The following UGT3A2 variants were observed in gnomAD, a reference collection of about 807,000 sequenced individuals.
UGT3A2 encodes the protein UDP-glycosyltransferase 3A2.
UGT3A2 carries 32 observed loss-of-function variants against 39.8 expected under a neutral mutation model. The observed-to-expected ratio is 0.80, with a 90% CI of 0.61 to 1.08. The LOEUF (loss-of-function observed/expected upper bound fraction) is 1.08, where lower values mean the gene tolerates loss of function less well. Ranked by LOEUF, UGT3A2 falls within the 50% of genes least tolerant of loss-of-function variation. The pLI is 0.00. For missense variants in UGT3A2, 611 were observed against 637.1 expected, an observed-to-expected ratio of 0.96 and a Z score of 0.44; for synonymous variants, 241 against 230.7, an observed-to-expected ratio of 1.04 and a Z score of -0.40.
chr5:36,052,506 C>T (rs1049801184), intron 2 of UGT3A2, among the ~76,000 whole-genome samples: 2 of 152,152 alleles, frequency 1.3e-5, no homozygotes, highest in African/African-American at 4.8e-5. Context: ...AAATGTCAAG[C>T]CCCATTTCCC....
chr5:36,035,919 G>A lies in UGT3A2; in HGVS notation c.1351C>T (p.Pro451Ser). 3 of 1,614,192 alleles carry A rather than the reference G, an allele frequency of 1.9e-6. No individual in the cohort carries two copies. Among genetic ancestry groups the A allele is most frequent in the Non-Finnish European group, 2.5e-6 (3 of 1,180,034 alleles). The change falls in exon 7 of 7, where the codon CCC becomes TCC. Residue 451 changes from proline to serine, a missense_variant. Coordinates refer to ENST00000282507, the MANE Select transcript of UGT3A2 (RefSeq NM_174914.4). ...ATCCAGCCCACCAGCCGCTGTGTGG[G>A]GCTGAGCGGGTGGGAGCGCAGGATG... ...SVILRSHPLS[P>S]TQRLVGWIDH... is the part of the protein sequence containing the mutation.
At chr5:36,042,808 T>C (rs1180156178) in intron 4 of UGT3A2, among the ~76,000 whole-genome samples, 1 of 152,088 alleles carries the variant, frequency 6.6e-6, no homozygotes, top group Non-Finnish European at 1.5e-5. Context: ...TTATATAATT[T>C]TATAAAGGTT....
At chr5:36,045,296 C>T (rs781199785) in intron 4 of UGT3A2, among the ~76,000 whole-genome samples, 3 of 151,756 alleles carry the variant, frequency 2.0e-5, no homozygotes, top group Non-Finnish European at 4.4e-5. Flanking sequence ...TAAAACTAGA[C>T]CTCTATATCT....
At chr5:36,037,737 T>C (rs1741873509) in intron 6 of UGT3A2, 60 bp downstream of exon 6, 18 of 1,571,196 alleles carry the variant, frequency 1.1e-5, no homozygotes, top group Non-Finnish European at 1.4e-5. Context: ...ACTCCCATAG[T>C]GCCCTTAGTG....
At position 36,064,284 on chromosome 5, in the gene UGT3A2, G is replaced by A. The variant is rs1322775972; in HGVS notation, c.161C>T (p.Thr54Ile). 1 of 1,614,058 alleles carries A rather than the reference G, an allele frequency of 6.2e-7. No individual in the cohort carries two copies. Among genetic ancestry groups the A allele is most frequent in the African/African-American group, 1.3e-5 (1 of 74,922 alleles). The change falls in exon 2 of 7, where the codon ACC (threonine) becomes ATC (isoleucine). Residue 54 changes from threonine to isoleucine, a missense_variant. Transcript: ENST00000282507. ...QILQDHGHNV[T>I]MLNHKRGPFM... ...AGGACCTCTTTTGTGGTTAAGCATG[G>A]TGACATTATGACCGTGATCTTGAAG... is the stretch of plus-strand genomic sequence containing the variant.
At position 36,035,745 on chromosome 5, in the gene UGT3A2, T is replaced by G; in HGVS notation, c.1525A>C (p.Met509Leu). Residue 509 changes from methionine (M) to leucine (L), a missense_variant, in exon 7 of 7, where the codon ATG (methionine) becomes CTG (leucine). Met to Leu is a conservative substitution (Grantham distance 15). Coordinates refer to ENST00000282507, the MANE Select transcript of UGT3A2 (RefSeq NM_174914.4). ...TLWLCGKLLG[M>L]AVWWLRGARK... is the part of the protein sequence containing the mutation. ...GCCCCACGCAGCCACCAGACAGCCA[T>G]GCCCAGCAGCTTCCCACAAAGCCAT... The G allele has an allele frequency of 1.2e-6, 2 of 1,614,110 alleles. No individual in the cohort carries two copies. The highest frequency in any genetic ancestry group is 1.7e-6 in the Non-Finnish European group (2 of 1,180,020).
intron 2 of UGT3A2, among the ~76,000 whole-genome samples, chr5:36,058,741 T>A (rs1271857954): frequency 2.6e-5 from 4 of 151,490 alleles, no homozygotes; most frequent in African/African-American, 9.8e-5. Context: ...GCCCCCTTCT[T>A]TATAACAGTT....
In UGT3A2 at chr5:36,059,387, T is replaced by G. The variant is rs745638335; in HGVS notation, c.196+4862A>C. Among the ~76,000 whole-genome samples, 64 of 147,030 alleles carry G rather than the reference T, an allele frequency of 4.4e-4. 1 individual carries two copies. The highest frequency in any genetic ancestry group is 4.5e-4 in the Non-Finnish European group (30 of 66,820). On this transcript the variant is annotated intron_variant, in intron 2 of 6. Transcript: ENST00000282507. ...TTTTTTTTTTTTTTTTTTTGGAGTT[T>G]GGTACATATCATCTTTTTGTTATTT...
intron 4 of UGT3A2, among the ~76,000 whole-genome samples, chr5:36,047,599 C>A (rs1287276): frequency 0.79 from 119,542 of 152,062 alleles, 49,431 homozygotes; most frequent in South Asian, 0.97. Context: ...CATTTTTATA[C>A]TGACAAGGCA....
In UGT3A2 at chr5:36,035,954, G is replaced by A; in HGVS notation, c.1316C>T (p.Ala439Val). 2 of 1,613,906 alleles carry A rather than the reference G, an allele frequency of 1.2e-6. No individual in the cohort carries two copies. The highest frequency in any genetic ancestry group is 1.1e-5 in the South Asian group (1 of 91,064). ...EDKRYKSAAVAASVILRSHPL... is the reference protein window; with the variant it reads ...EDKRYKSAAVVASVILRSHPL... ...GTGGGAGCGCAGGATGACACTGGCA[G>A]CCACTGCCGCGGACTTGTATCTGTT... Residue 439 changes from alanine to valine, a missense_variant, in exon 7 of 7, where the codon GCT becomes GTT. Coordinates refer to ENST00000282507, the MANE Select transcript of UGT3A2 (RefSeq NM_174914.4).
intron 1 of UGT3A2, among the ~76,000 whole-genome samples, chr5:36,065,865 A>G (rs756121121): frequency 2.0e-5 from 3 of 152,178 alleles, no homozygotes; most frequent in Non-Finnish European, 4.4e-5. Context: ...CTAATTCTCC[A>G]TGATCTAAAA....
intron 2 of UGT3A2, among the ~76,000 whole-genome samples, chr5:36,053,913 T>C (rs965261222): frequency 3.9e-5 from 6 of 152,198 alleles, no homozygotes; most frequent in African/African-American, 1.4e-4. Flanking sequence ...TTAACTCTCC[T>C]ACCATCTTCT....
chr5:36,048,685 T>C (rs1742241426), intron 4 of UGT3A2, among the ~76,000 whole-genome samples: 1 of 152,202 alleles, frequency 6.6e-6, no homozygotes, highest in Admixed American at 6.5e-5. Flanking sequence ...CATATAAAGA[T>C]GCCCTTGATC....
chr5:36,055,070 AGG>A (rs1742463103), intron 2 of UGT3A2, among the ~76,000 whole-genome samples: 1 of 151,532 alleles, frequency 6.6e-6, no homozygotes, highest in Non-Finnish European at 1.5e-5. Flanking sequence ...ACCTGGGAGG[AGG>A]AGGTTGCAGT....
intron 2 of UGT3A2, among the ~76,000 whole-genome samples, chr5:36,062,936 G>A (rs1443008475): frequency 6.6e-6 from 1 of 151,996 alleles, no homozygotes; most frequent in African/African-American, 2.4e-5. Context: ...AGCTACTCAG[G>A]AGGCTGAGGC....
chr5:36,066,486 C>A (rs1405699874), intron 1 of UGT3A2, among the ~76,000 whole-genome samples: 1 of 152,194 alleles, frequency 6.6e-6, no homozygotes, highest in Non-Finnish European at 1.5e-5. Flanking sequence ...AAAGGAGAAT[C>A]TCTTTTCTCC....
At chr5:36,037,313 GAGA>G (rs1363690265) in intron 6 of UGT3A2, among the ~76,000 whole-genome samples, 3 of 152,182 alleles carry the variant, frequency 2.0e-5, no homozygotes, top group African/African-American at 4.8e-5. Context: ...GGGTAGGTGG[GAGA>G]AGAAGTTACT....
At position 36,035,966 on chromosome 5, in the gene UGT3A2, G is replaced by A. The variant is rs61729692; in HGVS notation, c.1304C>T (p.Ser435Phe). 20 of 1,613,670 alleles carry A rather than the reference G, an allele frequency of 1.2e-5. No homozygotes were observed. In the Admixed American group the frequency reaches 1.7e-4, roughly 13 times the overall value. The change falls in exon 7 of 7, where the codon TCC becomes TTC. Residue 435 changes from serine to phenylalanine, a missense_variant. Ser to Phe is a radical substitution (Grantham distance 155). Transcript: ENST00000282507. The part of the protein sequence containing the change: ...KQIMEDKRYK[S>F]AAVAASVILR... ...GATGACACTGGCAGCCACTGCCGCG[G>A]ACTTGTATCTGTTGAGAGAGATAGA...
chr5:36,055,624 G>A (rs1296462078), intron 2 of UGT3A2, among the ~76,000 whole-genome samples: 1 of 152,126 alleles, frequency 6.6e-6, no homozygotes, highest in Non-Finnish European at 1.5e-5. Context: ...CTGTAATGTG[G>A]ACCATTAAAA....
Sources: gnomAD v4.1 joint callset for allele counts (sites outside exome capture counted in the v4.1 genomes callset) on GRCh38, gnomAD v4.1.1 for gene constraint, MANE v1.5 for transcripts, NCBI Gene and HGNC (gene_info 2026-07-23, HGNC 2026-07-21) for gene names.